MACROD2: variants seen among roughly 807,000 people sequenced by gnomAD.
MACROD2 encodes ADP-ribose glycohydrolase MACROD2.
A neutral mutation model predicts 70.4 loss-of-function variants in MACROD2; 36 were observed. The observed-to-expected ratio is 0.51, with a 90% confidence interval of 0.39 to 0.68. The LOEUF (loss-of-function observed/expected upper bound fraction) is 0.68, where lower values mean the gene tolerates loss of function less well. Among genes scored for constraint, MACROD2 ranks in the 30% least tolerant of loss-of-function variants. The probability of loss-of-function intolerance (pLI) is 0.00; values close to 1 mark genes in which losing one functional copy is unlikely to be tolerated. For missense variants in MACROD2, 496 were observed against 538.4 expected (o/e 0.92, Z 0.78); for synonymous variants, 172 against 178.8 (o/e 0.96, Z 0.30).
At chr20:15,279,863 G>C (rs1489518634) in intron 6 of MACROD2, among the ~76,000 whole-genome samples, 1 of 152,068 alleles carries the variant, frequency 6.6e-6, no homozygotes, top group Admixed American at 6.6e-5. Flanking sequence ...CTAGGCTTAG[G>C]ATCAACATGA....
intron 15 of MACROD2, among the ~76,000 whole-genome samples, chr20:16,025,041 C>T (rs761473818): frequency 2.6e-5 from 4 of 151,948 alleles, no homozygotes; most frequent in East Asian, 1.9e-4. Context: ...GTTATCTTGC[C>T]GAAGAAGTTA....
intron 3 of MACROD2, among the ~76,000 whole-genome samples, chr20:14,138,814 A>G (rs1204014218): frequency 8.5e-5 from 1 of 11,744 alleles, no homozygotes; most frequent in African/African-American, 1.9e-4. Flanking sequence ...CACGGTAACT[A>G]TGTGAGATTA....
At chr20:14,825,829 G>T (rs2072895506) in intron 5 of MACROD2, among the ~76,000 whole-genome samples, 1 of 152,138 alleles carries the variant, frequency 6.6e-6, no homozygotes, top group African/African-American at 2.4e-5. Context: ...AGCATCCGTT[G>T]TGTTAAACAG....
intron 5 of MACROD2, among the ~76,000 whole-genome samples, chr20:14,907,987 A>C (rs770824209): frequency 6.6e-6 from 1 of 152,178 alleles, no homozygotes; most frequent in African/African-American, 2.4e-5. Context: ...CCAAGTTTCA[A>C]ACCACTGCAA....
intron 3 of MACROD2, among the ~76,000 whole-genome samples, chr20:14,284,735 T>A (rs117039893): frequency 0.015 from 2,308 of 152,328 alleles, 27 homozygotes; most frequent in Non-Finnish European, 0.023. Flanking sequence ...ATTTCTTAAA[T>A]TCTATGAGTG....
At chr20:14,547,031 G>A (rs779347836) in intron 4 of MACROD2, among the ~76,000 whole-genome samples, 11 of 151,662 alleles carry the variant, frequency 7.3e-5, no homozygotes, top group Non-Finnish European at 2.9e-5. Flanking sequence ...AAAATATCAC[G>A]TACTTTTCCC....
chr20:14,039,087 C>G (rs2148638420), intron 2 of MACROD2, among the ~76,000 whole-genome samples: 1 of 152,236 alleles, frequency 6.6e-6, no homozygotes, highest in East Asian at 1.9e-4. Flanking sequence ...AAAAGTATTA[C>G]TCTTTTAAAG....
intron 2 of MACROD2, among the ~76,000 whole-genome samples, chr20:14,046,202 A>G (rs190204978): frequency 6.6e-6 from 1 of 152,336 alleles, no homozygotes; most frequent in African/African-American, 2.4e-5. Context: ...CCAGAAACAG[A>G]TTATCTACAA....
rs1600940910 is a variant in MACROD2 at position 15,817,655 on chromosome 20, G to A, written c.646-45090G>A. ...ACTGTTTCTTCTCTTAATCCCTGGTGCCAGTATCTTAGGTTAGACCACCAC... is the reference window on the plus strand; with the variant it reads ...ACTGTTTCTTCTCTTAATCCCTGGTACCAGTATCTTAGGTTAGACCACCAC... On this transcript the variant is annotated intron_variant, in intron 8 of 17. Coordinates refer to ENST00000684519, the MANE Select transcript of MACROD2 (RefSeq NM_001351661.2). Among the ~76,000 whole-genome samples, 10 of 152,136 alleles carry A rather than the reference G, an allele frequency of 6.6e-5. No individual in the cohort carries two copies. In the South Asian group the frequency reaches 2.1e-3, roughly 32 times the overall value.
At chr20:15,646,408 C>T (rs6074929) in intron 8 of MACROD2, among the ~76,000 whole-genome samples, 4 of 152,132 alleles carry the variant, frequency 2.6e-5, no homozygotes, top group Non-Finnish European at 5.9e-5. Context: ...GAAATTTGTG[C>T]TGAAAAGTCT....
intron 5 of MACROD2, among the ~76,000 whole-genome samples, chr20:14,944,983 A>T (rs563338953): frequency 1.7e-4 from 26 of 152,112 alleles, no homozygotes; most frequent in Non-Finnish European, 3.2e-4. Flanking sequence ...TCTTCAAGTG[A>T]CTTGGTTTTC....
chr20:15,630,557 AGGAC>A (rs575433085), intron 8 of MACROD2, among the ~76,000 whole-genome samples: 32 of 152,332 alleles, frequency 2.1e-4, no homozygotes, highest in African/African-American at 7.7e-4. Flanking sequence ...TACTTAGCAC[AGGAC>A]GGGAGAAATG....
chr20:15,612,765 G>T (rs1174066395), intron 8 of MACROD2, among the ~76,000 whole-genome samples: 6 of 152,160 alleles, frequency 3.9e-5, no homozygotes, highest in Non-Finnish European at 8.8e-5. Flanking sequence ...AGAAAGGAAT[G>T]AATGCAAAAA....
At chr20:15,625,433 TAA>T (rs983177219) in intron 8 of MACROD2, among the ~76,000 whole-genome samples, 1 of 152,090 alleles carries the variant, frequency 6.6e-6, no homozygotes, top group African/African-American at 2.4e-5. Flanking sequence ...TGGCAATGGG[TAA>T]AGACATGGAA....
chr20:14,987,848 G>GAT (rs113022657), intron 5 of MACROD2, among the ~76,000 whole-genome samples: 5,292 of 150,764 alleles, frequency 0.035, 324 homozygotes, highest in African/African-American at 0.12. Context: ...CAGGACTTAA[G>GAT]ATATATATAT....
chr20:14,409,788 G>T (rs892787520), intron 3 of MACROD2, among the ~76,000 whole-genome samples: 1 of 152,102 alleles, frequency 6.6e-6, no homozygotes, highest in Non-Finnish European at 1.5e-5. Context: ...GTTGGAGAGC[G>T]CATTGATACA....
intron 8 of MACROD2, among the ~76,000 whole-genome samples, chr20:15,660,738 A>T (rs895212122): frequency 2.1e-4 from 32 of 152,208 alleles, no homozygotes; most frequent in African/African-American, 7.7e-4. Context: ...ACCCACAGGC[A>T]TGAACTGTGG....
chr20:15,088,513 T>C (rs982012343), intron 5 of MACROD2, among the ~76,000 whole-genome samples: 3 of 148,072 alleles, frequency 2.0e-5, no homozygotes, highest in African/African-American at 7.5e-5. Context: ...AAATGTGAGG[T>C]TATTTCATAA....
At chr20:14,529,753 C>A (rs1600346657) in intron 4 of MACROD2, among the ~76,000 whole-genome samples, 1 of 152,100 alleles carries the variant, frequency 6.6e-6, no homozygotes, top group Non-Finnish European at 1.5e-5. Context: ...TAGGTCATGT[C>A]TTTTTATTAA....
Sources: allele counts gnomAD v4.1 joint callset (sites outside exome capture counted in the v4.1 genomes callset), GRCh38; gene constraint gnomAD v4.1.1; transcripts MANE v1.5; gene names NCBI Gene and HGNC (gene_info 2026-07-23, HGNC 2026-07-21).